PALM2AKAP2: variants seen among roughly 807,000 people sequenced by gnomAD.
PALM2AKAP2 encodes PALM2-AKAP2 fusion protein.
PALM2AKAP2 carries 37 observed loss-of-function variants against 71.5 expected under a neutral mutation model. The observed-to-expected ratio is 0.52, with a 90% CI of 0.40 to 0.68. The LOEUF (loss-of-function observed/expected upper bound fraction) is 0.68, where lower values mean the gene tolerates loss of function less well. PALM2AKAP2 is among the 30% of genes least tolerant of loss of function. The probability of loss-of-function intolerance (pLI) is 0.00; values close to 1 mark genes in which losing one functional copy is unlikely to be tolerated. For synonymous variants in PALM2AKAP2, 468 were observed against 478.8 expected, an observed-to-expected ratio of 0.98 and a Z score of 0.29; for missense variants, 1,224 against 1,191.8, an observed-to-expected ratio of 1.03 and a Z score of -0.40.
intron 3 of PALM2AKAP2, among the ~76,000 whole-genome samples, chr9:109,881,739 AG>A (rs953586055): frequency 1.3e-5 from 2 of 152,120 alleles, no homozygotes; most frequent in African/African-American, 4.8e-5. Context: ...ACCTAGCCAG[AG>A]AGATATGAGA....
At chr9:109,953,902 A>T (rs915986895) in intron 6 of PALM2AKAP2, among the ~76,000 whole-genome samples, 5 of 151,684 alleles carry the variant, frequency 3.3e-5, no homozygotes, top group South Asian at 2.1e-4. Context: ...AGACAAAAAG[A>T]TTTAGATAAT....
rs182908201 is a variant in PALM2AKAP2, at chr9:109,972,256, A to G, written c.496+40228A>G. Among the ~76,000 whole-genome samples, 6 of 152,264 alleles carry G rather than the reference A, an allele frequency of 3.9e-5. No individual in the cohort carries two copies. In the East Asian group the frequency reaches 1.2e-3, roughly 29 times the overall value. ...CAGGCTTCACAGTGAGTGGCCTAAC[A>G]TAGGTGTGGATCAGAAGGAAATGAA... is the stretch of plus-strand genomic sequence containing the variant. On this transcript the variant is annotated intron_variant, in intron 6 of 9. Transcript: ENST00000302798.
intron 3 of PALM2AKAP2, among the ~76,000 whole-genome samples, chr9:109,901,260 T>G (rs1427006981): frequency 6.6e-6 from 1 of 152,232 alleles, no homozygotes. Flanking sequence ...ACAGATACTC[T>G]ATGCAGACCA....
chr9:109,947,804 T>C (rs1831545812), intron 6 of PALM2AKAP2, among the ~76,000 whole-genome samples: 1 of 152,218 alleles, frequency 6.6e-6, no homozygotes, highest in Admixed American at 6.5e-5. Context: ...CACATTGCAT[T>C]TTTGCCACAT....
chr9:109,723,761 T>C (rs1230434037), intron 1 of PALM2AKAP2, among the ~76,000 whole-genome samples: 1 of 152,224 alleles, frequency 6.6e-6, no homozygotes, highest in African/African-American at 2.4e-5. Flanking sequence ...GGTGGATCCA[T>C]AGGCATGAGC....
intron 1 of PALM2AKAP2, among the ~76,000 whole-genome samples, chr9:109,666,841 A>C (rs1827492493): frequency 1.3e-5 from 2 of 152,264 alleles, no homozygotes; most frequent in South Asian, 4.1e-4. Flanking sequence ...CAGCCCACCA[A>C]AGAAGCACAA....
chr9:110,143,081 AG>A (rs1836074285), intron 2 of PALM2AKAP2, among the ~76,000 whole-genome samples: 1 of 113,944 alleles, frequency 8.8e-6, no homozygotes, highest in African/African-American at 3.1e-5. Context: ...TGCTCCCAAT[AG>A]TGTGTGCATG....
At chr9:109,677,320 G>A (rs1377723247) in intron 1 of PALM2AKAP2, among the ~76,000 whole-genome samples, 1 of 152,116 alleles carries the variant, frequency 6.6e-6, no homozygotes, top group Non-Finnish European at 1.5e-5. Flanking sequence ...AAATTAGGTT[G>A]GTGCTAGGGC....
chr9:109,784,209 GCA>G (rs1275429911), intron 1 of PALM2AKAP2, among the ~76,000 whole-genome samples: 1 of 152,192 alleles, frequency 6.6e-6, no homozygotes. Flanking sequence ...ATTCAGAAAG[GCA>G]CGGTGTGAAA....
chr9:110,003,062 G>A (rs1361269859), intron 6 of PALM2AKAP2, among the ~76,000 whole-genome samples: 3 of 152,150 alleles, frequency 2.0e-5, no homozygotes, highest in Admixed American at 1.3e-4. Context: ...GTTATTTCTT[G>A]CCTTCGGCTA....
At chr9:109,840,621 G>T (rs1176173103) in intron 1 of PALM2AKAP2, among the ~76,000 whole-genome samples, 2 of 152,154 alleles carry the variant, frequency 1.3e-5, no homozygotes, top group Non-Finnish European at 2.9e-5. Context: ...CTGCTCATCT[G>T]ACAAAGGGCT....
chr9:109,994,318 A>G (rs1682100773), intron 6 of PALM2AKAP2, among the ~76,000 whole-genome samples: 1 of 152,230 alleles, frequency 6.6e-6, no homozygotes, highest in South Asian at 2.1e-4. Context: ...GATACATCCC[A>G]AAAGACTAGA....
chr9:109,809,328 A>C (rs936048152), intron 1 of PALM2AKAP2, among the ~76,000 whole-genome samples: 1 of 152,126 alleles, frequency 6.6e-6, no homozygotes, highest in African/African-American at 2.4e-5. Flanking sequence ...ATGGGAACCC[A>C]CCTCTTGCAT....
At chr9:110,135,172 A>ATATATAT (rs58573716) in intron 1 of PALM2AKAP2, among the ~76,000 whole-genome samples, 1 of 61,092 alleles carries the variant, frequency 1.6e-5, no homozygotes, top group African/African-American at 6.1e-5. Flanking sequence ...AAAATATATA[A>ATATATAT]ATATATATAT....
At chr9:109,995,992 T>A (rs115339628) in intron 6 of PALM2AKAP2, among the ~76,000 whole-genome samples, 40 of 152,290 alleles carry the variant, frequency 2.6e-4, no homozygotes, top group African/African-American at 8.9e-4. Context: ...TTCAGCCTAG[T>A]GACACAATTT....
intron 6 of PALM2AKAP2, among the ~76,000 whole-genome samples, chr9:110,005,454 G>C (rs1392025589): frequency 6.6e-6 from 1 of 152,252 alleles, no homozygotes; most frequent in African/African-American, 2.4e-5. Context: ...GTGCCTCCCA[G>C]TTAGGCTACT....
chr9:110,024,793 A>T, intron 7 of PALM2AKAP2: 1 of 646,830 alleles, frequency 1.5e-6, no homozygotes, highest in South Asian at 1.7e-5. Context: ...TCTTAAAAAA[A>T]AAAAAAGATA....
At chr9:110,125,775 T>C (rs1445575637) in intron 1 of PALM2AKAP2, among the ~76,000 whole-genome samples, 1 of 138,808 alleles carries the variant, frequency 7.2e-6, no homozygotes, top group Non-Finnish European at 1.5e-5. Context: ...TGCTTCTCTC[T>C]CTCTTTTTTT....
At chr9:109,925,164 A>G (rs1830927536) in intron 5 of PALM2AKAP2, 82 bp downstream of exon 5, 2 of 1,594,338 alleles carry the variant, frequency 1.3e-6, no homozygotes, top group Non-Finnish European at 1.7e-6. Context: ...GGCTTAAGGA[A>G]GAGGTACTGT....
Sources: gnomAD v4.1 joint callset for allele counts (sites outside exome capture counted in the v4.1 genomes callset) on GRCh38, gnomAD v4.1.1 for gene constraint, MANE v1.5 for transcripts, NCBI Gene and HGNC (gene_info 2026-07-23, HGNC 2026-07-21) for gene names.